Variants in RSU1 observed in about 807,000 individuals in gnomAD.
RSU1 encodes the protein Ras suppressor protein 1.
In RSU1, 26 loss-of-function variants were observed where a neutral mutation model predicts 31.1. The observed-to-expected ratio is 0.84, with a 90% CI of 0.61 to 1.16. RSU1 has a LOEUF of 1.16. RSU1 is among the 50% of genes most tolerant of loss of function. The probability of loss-of-function intolerance (pLI) is 0.00; values close to 1 mark genes in which losing one functional copy is unlikely to be tolerated. For missense variants in RSU1, 320 were observed against 339.1 expected, an observed-to-expected ratio of 0.94 and a Z score of 0.44; for synonymous variants, 164 against 136.3, an observed-to-expected ratio of 1.20 and a Z score of -1.41.
intron 7 of RSU1, chr10:16,723,091 T>TAC (rs1836315537): frequency 6.6e-6 from 1 of 151,806 alleles, no homozygotes; most frequent in African/African-American, 2.4e-5. Context: ...TACACACATA[T>TAC]ATCATACGAT....
chr10:16,767,389 C>T (rs1456635610), intron 3 of RSU1: 2 of 152,208 alleles, frequency 1.3e-5, no homozygotes, highest in African/African-American at 2.4e-5. Flanking sequence ...TTATTTCACT[C>T]TCCTTGCTAA....
Position 16,817,357 on chromosome 10 carries a change from C to G in RSU1, c.-46G>C. The stretch of plus-strand genomic sequence containing the variant: ...AAGACGATGGGCGTGCAACCACAAG[C>G]TTCGGCAGAACGCACTCCAGCTGCC... On this transcript the variant is annotated 5_prime_UTR_variant, in exon 1 of 9. Transcript: ENST00000345264. 2.4e-6 allele frequency: 1 copy of G among 418,954 alleles called. No individual in the cohort carries two copies. Among genetic ancestry groups the G allele is most frequent in the South Asian group, 2.9e-5 (1 of 34,916 alleles). The allele number at this position is 418,954 out of a possible 1,614,324, so 26.0% of individuals were successfully genotyped here.
chr10:16,601,017 G>A (rs1833707532), intron 8 of RSU1, among the ~76,000 whole-genome samples: 1 of 152,148 alleles, frequency 6.6e-6, no homozygotes, highest in Admixed American at 6.5e-5. Context: ...TTGGCTCTAG[G>A]ATGTCATCCT....
chr10:16,811,508 G>T (rs1209698859), intron 2 of RSU1, among the ~76,000 whole-genome samples: 1 of 152,042 alleles, frequency 6.6e-6, no homozygotes, highest in Non-Finnish European at 1.5e-5. Context: ...CTTGCCCAAG[G>T]ATACACAGCT....
intron 8 of RSU1, among the ~76,000 whole-genome samples, chr10:16,661,287 CGTGT>C (rs56675037): frequency 0.067 from 8,844 of 132,740 alleles, 247 homozygotes; most frequent in South Asian, 0.14. Context: ...GTAGAGAGTG[CGTGT>C]GTGTGTGTGT....
rs761547489 is a variant in RSU1, at chr10:16,593,378, G to A, written c.*16C>T. Reference sequence around the variant, plus strand: ...GAGAGAAGGTGCTGGAAGGCCAGCCGATGCCAATCCCTTCCTTATCTGTTC... The same window carrying A: ...GAGAGAAGGTGCTGGAAGGCCAGCCAATGCCAATCCCTTCCTTATCTGTTC... On this transcript the variant is annotated 3_prime_UTR_variant, in exon 9 of 9. Transcript: ENST00000345264. 3.7e-6 allele frequency: 6 copies of A among 1,613,940 alleles called. No individual in the cohort carries two copies. Among genetic ancestry groups the A allele is most frequent in the Admixed American group, 3.3e-5 (2 of 60,024 alleles).
intron 7 of RSU1, among the ~76,000 whole-genome samples, chr10:16,741,984 A>T (rs1836764222): frequency 2.0e-5 from 3 of 152,210 alleles, no homozygotes; most frequent in Non-Finnish European, 4.4e-5. Flanking sequence ...AACTGATTAC[A>T]GAAATATAAT....
At chr10:16,644,948 C>G (rs1039190037) in intron 8 of RSU1, among the ~76,000 whole-genome samples, 18 of 152,114 alleles carry the variant, frequency 1.2e-4, no homozygotes, top group African/African-American at 3.6e-4. Context: ...CTAATTTTAT[C>G]TGCAAGAAAA....
intron 8 of RSU1, among the ~76,000 whole-genome samples, chr10:16,615,091 G>A (rs1345396925): frequency 1.3e-5 from 2 of 152,042 alleles, no homozygotes; most frequent in Non-Finnish European, 2.9e-5. Flanking sequence ...GACTGGCAAA[G>A]TGGATAAAAA....
At chr10:16,632,119 C>G (rs1239107131) in intron 8 of RSU1, among the ~76,000 whole-genome samples, 1 of 152,170 alleles carries the variant, frequency 6.6e-6, no homozygotes, top group Non-Finnish European at 1.5e-5. Flanking sequence ...TATAGCAACA[C>G]TTGCATCATT....
At chr10:16,614,695 T>C (rs1488862350) in intron 8 of RSU1, among the ~76,000 whole-genome samples, 1 of 152,148 alleles carries the variant, frequency 6.6e-6, no homozygotes, top group African/African-American at 2.4e-5. Context: ...CTTTTTGATA[T>C]GCACCAGAAG....
At chr10:16,767,022 C>CAAAAAA (rs111562696) in intron 3 of RSU1, among the ~76,000 whole-genome samples, 1 of 101,800 alleles carries the variant, frequency 9.8e-6, no homozygotes, top group African/African-American at 3.1e-5. Flanking sequence ...ACTCTATGTC[C>CAAAAAA]AAAAAAAAAA....
Position 16,803,104 on chromosome 10 carries a change from T to A in RSU1, c.109+13869A>T, listed in dbSNP as rs777015111. Among the ~76,000 whole-genome samples the A allele has an allele frequency of 1.6e-4, 24 of 152,138 alleles. 1 individual carries two copies. Among genetic ancestry groups the A allele is most frequent in the Admixed American group, 2.0e-4 (3 of 15,274 alleles). On this transcript the variant is annotated intron_variant, in intron 2 of 8. Transcript: ENST00000345264. ...AATTAAAACTGTCTTTCTCCACAGATAATATGATGTGTACGTAGAAAATCC... is the reference window on the plus strand; with the variant it reads ...AATTAAAACTGTCTTTCTCCACAGAAAATATGATGTGTACGTAGAAAATCC...
chr10:16,726,831 C>A (rs913451099), intron 7 of RSU1, among the ~76,000 whole-genome samples: 2 of 152,030 alleles, frequency 1.3e-5, no homozygotes, highest in Non-Finnish European at 2.9e-5. Flanking sequence ...AAAAAATGGA[C>A]CTCTTTATTT....
At chr10:16,643,278 G>A (rs370221343) in intron 8 of RSU1, among the ~76,000 whole-genome samples, 237 of 152,240 alleles carry the variant, frequency 1.6e-3, no homozygotes, top group African/African-American at 5.5e-3. Flanking sequence ...TACCATCATT[G>A]CCTTAAAAAT....
intron 2 of RSU1, among the ~76,000 whole-genome samples, chr10:16,798,013 C>T (rs555126197): frequency 6.6e-6 from 1 of 152,130 alleles, no homozygotes; most frequent in Admixed American, 6.5e-5. Flanking sequence ...AGGTGCCCAC[C>T]ACCACGCCCG....
chr10:16,755,402 C>A (rs773977696), intron 4 of RSU1, among the ~76,000 whole-genome samples: 15 of 151,442 alleles, frequency 9.9e-5, no homozygotes, highest in African/African-American at 3.4e-4. Context: ...GGATTACAGG[C>A]GTGAGCCCCC....
intron 7 of RSU1, among the ~76,000 whole-genome samples, chr10:16,750,029 C>A (rs931789310): frequency 1.3e-5 from 2 of 152,136 alleles, no homozygotes; most frequent in Non-Finnish European, 2.9e-5. Flanking sequence ...TCTCTCTATG[C>A]CTCAGTGTCC....
chr10:16,683,974 G>C (rs780795352), intron 8 of RSU1, among the ~76,000 whole-genome samples: 9 of 152,204 alleles, frequency 5.9e-5, no homozygotes, highest in African/African-American at 9.6e-5. Flanking sequence ...GAAATGCTCA[G>C]GTTAAGATAA....
Sources: gnomAD v4.1 joint callset for allele counts (sites outside exome capture counted in the v4.1 genomes callset) on GRCh38, gnomAD v4.1.1 for gene constraint, MANE v1.5 for transcripts, NCBI Gene and HGNC (gene_info 2026-07-23, HGNC 2026-07-21) for gene names.